Variants in KYNU observed in about 807,000 individuals in gnomAD.
KYNU encodes L-kynurenine hydrolase.
A neutral mutation model predicts 59.2 loss-of-function variants in KYNU; 54 were observed. That is an observed-to-expected ratio of 0.91 (90% CI 0.73 to 1.14). The LOEUF (loss-of-function observed/expected upper bound fraction) is 1.14. Among genes scored for constraint, KYNU ranks in the 50% most tolerant of loss-of-function variants. The pLI is 0.00. For missense variants in KYNU, 567 were observed against 554.4 expected (o/e 1.02, Z -0.23); for synonymous variants, 177 against 192.0 (o/e 0.92, Z 0.65).
At chr2:142,951,481 A>C (rs57628196) in intron 4 of KYNU, among the ~76,000 whole-genome samples, 13,243 of 152,250 alleles carry the variant, frequency 0.087, 1,718 homozygotes, top group African/African-American at 0.28. Context: ...AGCTGTGATC[A>C]TGCCTCTGTA....
In KYNU at chr2:143,046,896, T is replaced by C. The variant is rs1687172521; in HGVS notation, c.*4724T>C. The C allele has an allele frequency of 6.6e-6, 1 of 152,172 alleles. No individual in the cohort carries two copies. 9.4% of individuals were successfully genotyped at this position (152,172 alleles called of 1,614,324 possible). ...AAATTTTAGATCAGTTTTGGAAGAA[T>C]TGACTCAATAGTGAGCCTTCCTACC... On this transcript the variant is annotated 3_prime_UTR_variant, in exon 14 of 14. Coordinates refer to ENST00000264170, the MANE Select transcript of KYNU (RefSeq NM_003937.3).
intron 10 of KYNU, among the ~76,000 whole-genome samples, chr2:143,000,141 G>A (rs1370077445): frequency 3.3e-5 from 5 of 152,042 alleles, no homozygotes; most frequent in South Asian, 2.1e-4. Flanking sequence ...CATATAATAC[G>A]AAATATTCCC....
chr2:142,967,341 G>A (rs2105114936), intron 8 of KYNU: 1 of 152,120 alleles, frequency 6.6e-6, no homozygotes, highest in East Asian at 1.9e-4. Context: ...GCAAATGGTG[G>A]TTAAAAAGAA....
intron 4 of KYNU, among the ~76,000 whole-genome samples, chr2:142,928,919 G>T (rs1312901250): frequency 2.1e-5 from 3 of 145,106 alleles, no homozygotes; most frequent in Non-Finnish European, 3.0e-5. Flanking sequence ...GAGGTGGGAG[G>T]TTAGCTTGAG....
At chr2:142,921,882 G>A (rs1429905154) in intron 3 of KYNU, among the ~76,000 whole-genome samples, 1 of 151,984 alleles carries the variant, frequency 6.6e-6, no homozygotes, top group South Asian at 2.1e-4. Flanking sequence ...CCACTTCAGT[G>A]GTCTGTTGGT....
chr2:142,878,122 C>T (rs1031927952), intron 1 of KYNU, among the ~76,000 whole-genome samples: 2 of 152,076 alleles, frequency 1.3e-5, no homozygotes, highest in Admixed American at 1.3e-4. Flanking sequence ...TTTCTGGTAA[C>T]TTTAATTGTC....
At position 142,989,530 on chromosome 2, in the gene KYNU, C is replaced by A. The variant is rs376147661; in HGVS notation, c.902+3509C>A. On this transcript the variant is annotated intron_variant, in intron 10 of 13. Transcript: ENST00000264170. The stretch of plus-strand genomic sequence containing the variant: ...ACATGTTATTTCAAATAAATAATAT[C>A]GAAATAACATTTCTTCTCATGGTCC... 72 of 973,376 alleles carry A rather than the reference C, an allele frequency of 7.4e-5. 1 individual carries two copies. The African/African-American group carries it at 1.2e-3, about 16-fold the overall frequency. The allele number at this position is 973,376 out of a possible 1,614,324, so 60.3% of individuals were successfully genotyped here.
chr2:142,980,353 C>T (rs1394246540), intron 8 of KYNU, among the ~76,000 whole-genome samples: 1 of 151,364 alleles, frequency 6.6e-6, no homozygotes, highest in Non-Finnish European at 1.5e-5. Flanking sequence ...GTTTTATCAG[C>T]AAGGTCTTTA....
intron 8 of KYNU, among the ~76,000 whole-genome samples, chr2:142,964,006 A>C (rs965534896): frequency 4.6e-5 from 7 of 152,008 alleles, no homozygotes; most frequent in Non-Finnish European, 1.0e-4. Context: ...CAGATTTCTG[A>C]ATTTGGGATT....
chr2:143,029,436 A>G (rs896471212), intron 10 of KYNU, among the ~76,000 whole-genome samples, 191 bp from the exon 11 acceptor site: 2 of 152,036 alleles, frequency 1.3e-5, no homozygotes, highest in African/African-American at 4.8e-5. Flanking sequence ...AAAGACAAAA[A>G]CTAGCCGGGC....
At chr2:142,949,231 T>C (rs1207235907) in intron 4 of KYNU, among the ~76,000 whole-genome samples, 1 of 152,160 alleles carries the variant, frequency 6.6e-6, no homozygotes, top group African/African-American at 2.4e-5. Context: ...ATCTGTGGCT[T>C]TTCTGGGCGC....
Position 143,042,033 on chromosome 2 carries a change from T to G in KYNU, c.1273-14T>G. On this transcript the variant is annotated splice_polypyrimidine_tract_variant and intron_variant, in intron 13 of 13. Transcript: ENST00000264170. ...TAATGCTAACATTATTGTGGCTTTA[T>G]TTTTTCCCCACAGTGTGACAAGCGG... 1 of 1,610,428 alleles carries G rather than the reference T, an allele frequency of 6.2e-7. No homozygotes were observed. The highest frequency in any genetic ancestry group is 8.5e-7 in the Non-Finnish European group (1 of 1,177,380).
Position 142,983,038 on chromosome 2 carries a change from T to A in KYNU, c.730-2046T>A, listed in dbSNP as rs1486296182. Among the ~76,000 whole-genome samples the A allele has an allele frequency of 5.3e-5, 8 of 151,960 alleles. No individual in the cohort carries two copies. The East Asian group carries it at 1.5e-3, about 29-fold the overall frequency. ...GTGTAACAAATCATCTTGAAACTTGTTGTCTTAAAACAATAACCATTGATT... is the reference window on the plus strand; with the variant it reads ...GTGTAACAAATCATCTTGAAACTTGATGTCTTAAAACAATAACCATTGATT... On this transcript the variant is annotated intron_variant, in intron 8 of 13. Transcript: ENST00000264170.
At chr2:143,023,866 A>G (rs1367028586) in intron 10 of KYNU, among the ~76,000 whole-genome samples, 1 of 151,902 alleles carries the variant, frequency 6.6e-6, no homozygotes, top group Non-Finnish European at 1.5e-5. Flanking sequence ...TTAGAAATAG[A>G]AAATATGACA....
At chr2:142,953,725 A>G (rs1205642491) in intron 4 of KYNU, among the ~76,000 whole-genome samples, 2 of 152,186 alleles carry the variant, frequency 1.3e-5, no homozygotes, top group African/African-American at 4.8e-5. Context: ...TTGTTCATCA[A>G]CCTTGTCTGT....
intron 4 of KYNU, among the ~76,000 whole-genome samples, chr2:142,931,320 G>A (rs1180513239): frequency 1.3e-5 from 2 of 152,146 alleles, no homozygotes; most frequent in Non-Finnish European, 2.9e-5. Flanking sequence ...TATAGGGGGT[G>A]GTGTGGGCAC....
intron 10 of KYNU, among the ~76,000 whole-genome samples, chr2:143,007,221 T>C (rs1282404417): frequency 6.7e-6 from 1 of 150,208 alleles, no homozygotes; most frequent in Non-Finnish European, 1.5e-5. Flanking sequence ...AAGGAGCTGA[T>C]GGAGCTGAAA....
At chr2:142,995,744 C>T (rs1374563043) in intron 10 of KYNU, among the ~76,000 whole-genome samples, 1 of 152,034 alleles carries the variant, frequency 6.6e-6, no homozygotes, top group African/African-American at 2.4e-5. Context: ...GTCATTAGTA[C>T]CTTTGAATCT....
In KYNU at chr2:143,053,960, A is replaced by G. The variant is rs1410256248; in HGVS notation, c.*11788A>G. On this transcript the variant is annotated 3_prime_UTR_variant, in exon 14 of 14. Transcript: ENST00000264170. ...GTATATCATGTCAGAATTGAATTCA[A>G]TTAGAGGATACCTAGCTTGCGTTCA... The G allele has an allele frequency of 6.6e-6, 1 of 152,198 alleles. No individual in the cohort carries two copies. Among genetic ancestry groups the G allele is most frequent in the Non-Finnish European group, 1.5e-5 (1 of 68,050 alleles). 9.4% of individuals were successfully genotyped at this position (152,198 alleles called of 1,614,324 possible).
Sources: gnomAD v4.1 joint callset for allele counts (sites outside exome capture counted in the v4.1 genomes callset) on GRCh38, gnomAD v4.1.1 for gene constraint, MANE v1.5 for transcripts, NCBI Gene and HGNC (gene_info 2026-07-23, HGNC 2026-07-21) for gene names.